KLF8: variants seen among roughly 807,000 people sequenced by gnomAD.
KLF8 encodes the protein KLF transcription factor 8, also known as Krueppel-like factor 8.
Under a neutral mutation model 18.2 loss-of-function variants are expected in KLF8, and 10 were observed. The observed-to-expected ratio is 0.55, with a 90% confidence interval of 0.34 to 0.93. The LOEUF (loss-of-function observed/expected upper bound fraction) is 0.93, where lower values mean the gene tolerates loss of function less well. Ranked by LOEUF, KLF8 falls within the 40% of genes least tolerant of loss-of-function variation. The pLI, the probability that KLF8 is intolerant of heterozygous loss-of-function variation, is 0.02. For missense variants in KLF8, 264 were observed against 277.9 expected (o/e 0.95, Z 0.36); for synonymous variants, 109 against 97.3 (o/e 1.12, Z -0.71).
At chrX:56,106,302 G>A in the KLF8 span, among the ~76,000 whole-genome samples, 1 of 111,909 alleles carries the variant, frequency 8.9e-6, no homozygotes, top group African/African-American at 3.3e-5. Context: ...ATAATATTCT[G>A]AAGAGTGTTT....
At chrX:56,103,945 C>A in the KLF8 span, among the ~76,000 whole-genome samples, 1 of 111,229 alleles carries the variant, frequency 9.0e-6, no homozygotes, top group Non-Finnish European at 1.9e-5. Context: ...TTGTCAAAGG[C>A]CTTTTCTGCA....
chrX:56,109,240 C>G, the KLF8 span, among the ~76,000 whole-genome samples: 4 of 110,262 alleles, frequency 3.6e-5, no homozygotes, highest in African/African-American at 1.3e-4. Context: ...ACAAAGAAAT[C>G]AACAATTCAC....
the KLF8 span, among the ~76,000 whole-genome samples, chrX:56,159,541 A>G: frequency 8.9e-6 from 1 of 111,853 alleles, no homozygotes; most frequent in African/African-American, 3.2e-5. Flanking sequence ...TTGGTAAGCT[A>G]TTAACTATTG....
At chrX:56,102,737 C>A in the KLF8 span, among the ~76,000 whole-genome samples, 3 of 111,023 alleles carry the variant, frequency 2.7e-5, no homozygotes, top group African/African-American at 9.8e-5. Context: ...GGATTGTATT[C>A]TTTTTTATTT....
chrX:56,093,535 C>T, the KLF8 span, among the ~76,000 whole-genome samples: 1 of 109,841 alleles, frequency 9.1e-6, no homozygotes, highest in African/African-American at 3.3e-5. Flanking sequence ...ATAGACCTGC[C>T]TTACAACAAA....
the KLF8 span, among the ~76,000 whole-genome samples, chrX:56,065,951 T>G: frequency 9.0e-6 from 1 of 111,667 alleles, no homozygotes; most frequent in Admixed American, 9.6e-5. Flanking sequence ...TTAGTGTGCC[T>G]AGTTTTGGGC....
the KLF8 span, among the ~76,000 whole-genome samples, chrX:56,029,463 T>C: frequency 9.0e-6 from 1 of 110,863 alleles, no homozygotes; most frequent in Non-Finnish European, 1.9e-5. Flanking sequence ...CTTGCTCCTA[T>C]TATATCAGCG....
chrX:56,196,970 C>T, the KLF8 span, among the ~76,000 whole-genome samples: 5 of 112,005 alleles, frequency 4.5e-5, no homozygotes, highest in South Asian at 1.1e-3. Context: ...TACATGGAAA[C>T]AGAACAACCT....
chrX:56,281,124 C>T (rs2147696420), intron 5 of KLF8, among the ~76,000 whole-genome samples: 1 of 112,243 alleles, frequency 8.9e-6, no homozygotes, highest in South Asian at 3.7e-4. Flanking sequence ...CACACACCCC[C>T]TTGGGTATAT....
chrX:56,131,687 A>G, the KLF8 span, among the ~76,000 whole-genome samples: 1 of 112,044 alleles, frequency 8.9e-6, no homozygotes, highest in Non-Finnish European at 1.9e-5. Flanking sequence ...AAAAATGCAG[A>G]ATTGCAGAAT....
the KLF8 span, among the ~76,000 whole-genome samples, chrX:56,160,714 C>T: frequency 5.4e-5 from 6 of 111,323 alleles, no homozygotes; most frequent in Non-Finnish European, 1.1e-4. Flanking sequence ...ATTGCAACCC[C>T]TGCCTTTTTT....
chrX:55,972,194 G>A, the KLF8 span, among the ~76,000 whole-genome samples: 1 of 111,876 alleles, frequency 8.9e-6, no homozygotes, highest in Non-Finnish European at 1.9e-5. Context: ...ATACACAATA[G>A]TGTATCATTC....
the KLF8 span, among the ~76,000 whole-genome samples, chrX:56,031,158 G>A: frequency 1.8e-5 from 2 of 111,164 alleles, no homozygotes; most frequent in Admixed American, 1.9e-4. Flanking sequence ...TCCCAATGGG[G>A]TGGGCTTACT....
intron 1 of KLF8, among the ~76,000 whole-genome samples, chrX:56,233,725 G>A (rs975476281): frequency 1.8e-5 from 2 of 112,023 alleles, no homozygotes; most frequent in Non-Finnish European, 3.8e-5. Context: ...CAAGGCCAAA[G>A]CTCCCAGGTA....
chrX:56,223,080 A>G, the KLF8 span, among the ~76,000 whole-genome samples: 2 of 113,238 alleles, frequency 1.8e-5, no homozygotes, highest in African/African-American at 6.4e-5. Flanking sequence ...AGAGCGAGCC[A>G]GGGCTGCGAG....
chrX:56,199,337 C>G, the KLF8 span, among the ~76,000 whole-genome samples: 1 of 111,433 alleles, frequency 9.0e-6, no homozygotes, highest in Non-Finnish European at 1.9e-5. Context: ...TGCAATCTAC[C>G]CATCTGAAAT....
At chrX:56,185,364 T>C in the KLF8 span, among the ~76,000 whole-genome samples, 15 of 111,911 alleles carry the variant, frequency 1.3e-4, no homozygotes, top group Non-Finnish European at 2.6e-4. Flanking sequence ...CCAAGAAATA[T>C]GGGACAATGT....
the KLF8 span, among the ~76,000 whole-genome samples, chrX:56,158,069 A>C: frequency 8.9e-6 from 1 of 111,804 alleles, no homozygotes; most frequent in Non-Finnish European, 1.9e-5. Context: ...TTTTTGTATA[A>C]GGTGTAAGGA....
the KLF8 span, chrX:56,074,922 T>C: frequency 8.9e-6 from 1 of 111,823 alleles, no homozygotes; most frequent in Non-Finnish European, 1.9e-5. Flanking sequence ...ATGCAAGAAG[T>C]ATTTCTATAT....
Sources: allele counts gnomAD v4.1 joint callset (sites outside exome capture counted in the v4.1 genomes callset), GRCh38; gene constraint gnomAD v4.1.1; transcripts MANE v1.5; gene names NCBI Gene and HGNC (gene_info 2026-07-23, HGNC 2026-07-21).